Variants in AP3B2 observed in about 807,000 individuals in gnomAD.
AP3B2 encodes AP-3 complex subunit beta-2.
In AP3B2, 50 loss-of-function variants were observed where a neutral mutation model predicts 126.9. The observed-to-expected ratio is 0.39, with a 90% CI of 0.31 to 0.50. The LOEUF is 0.50. AP3B2 is among the 20% of genes least tolerant of loss of function. The probability of loss-of-function intolerance (pLI) is 0.79; values close to 1 mark genes in which losing one functional copy is unlikely to be tolerated. For synonymous variants in AP3B2, 541 were observed against 565.0 expected, an observed-to-expected ratio of 0.96 and a Z score of 0.60; for missense variants, 1,177 against 1,426.4, an observed-to-expected ratio of 0.83 and a Z score of 2.82.
At chr15:82,705,014 C>T (rs1289220615) in intron 1 of AP3B2, among the ~76,000 whole-genome samples, 1 of 152,036 alleles carries the variant, frequency 6.6e-6, no homozygotes, top group Non-Finnish European at 1.5e-5. Flanking sequence ...CTTATTAGGC[C>T]GAGACACTTT....
intron 21 of AP3B2, 28 bp downstream of exon 21, chr15:82,663,532 C>G (rs1480354727): frequency 6.2e-7 from 1 of 1,610,966 alleles, no homozygotes; most frequent in Admixed American, 1.7e-5. Flanking sequence ...GCCTCCTTTC[C>G]CCTGTGACTT....
chr15:82,677,950 A>AT (rs1234134837), intron 11 of AP3B2, 147 bp from the exon 12 acceptor site: 2 of 1,341,890 alleles, frequency 1.5e-6, no homozygotes, highest in Admixed American at 2.3e-5. Context: ...CAATCCAGTG[A>AT]TTCCTTGGCC....
chr15:82,703,229 G>C (rs1025069336), intron 1 of AP3B2, among the ~76,000 whole-genome samples: 2 of 152,054 alleles, frequency 1.3e-5, no homozygotes, highest in Admixed American at 6.5e-5. Context: ...CACCCTTAGT[G>C]GCAAACACCA....
chr15:82,680,527 T>G lies in AP3B2; in HGVS notation c.1000A>C (p.Lys334Gln), dbSNP rs1287408120. ...VAQLYFHLAP[K>Q]AEVGVIAKAL... The stretch of plus-strand genomic sequence containing the variant: ...TTGGCGATGACGCCCACTTCCGCCT[T>G]GGGCGCCAGGTGGAAGTAGAGCTGC... Residue 334 changes from lysine to glutamine, a missense_variant, in exon 8 of 27, where the codon AAG becomes CAG. By Grantham distance (53) the Lys-to-Gln change is moderately conservative. This residue lies in a region of AP3B2 where 308 missense variants were observed against 452.4 expected (regional missense o/e 0.68). Coordinates refer to ENST00000535359, the MANE Select transcript of AP3B2 (RefSeq NM_001278512.2). The surrounding 1 kb of genome is among the most constrained non-coding windows in gnomAD (Gnocchi z 6.1). 1 of 1,545,026 alleles carries G rather than the reference T, an allele frequency of 6.5e-7. No homozygotes were observed. Among genetic ancestry groups the G allele is most frequent in the Non-Finnish European group, 8.7e-7 (1 of 1,151,626 alleles).
rs755275511 is a variant in AP3B2, at chr15:82,679,782, G to A, written c.1129C>T (p.Leu377=). The change falls in exon 10 of 27, where the codon CTG becomes TTG. Residue 377 remains leucine, a synonymous_variant. Transcript: ENST00000535359. ...IKRRGMFEPY[L]KSFYIRSTDP... The stretch of plus-strand genomic sequence containing the variant: ...GTGGACCTGATGTAGAAGCTCTTCA[G>A]GTAGGGCTCAAACATACCCTGGCAC... The A allele has an allele frequency of 6.2e-7, 1 of 1,613,826 alleles. No individual in the cohort carries two copies. The highest frequency in any genetic ancestry group is 8.5e-7 in the Non-Finnish European group (1 of 1,179,796).
At position 82,662,325 on chromosome 15, in the gene AP3B2, C is replaced by T. The variant is rs189865552; in HGVS notation, c.2834-73G>A. ...CTGATAGGTCTAGAACCCAGCCTAG[C>T]CCTACTCTCCTCTCCACTGTCACAG... On this transcript the variant is annotated intron_variant, in intron 23 of 26. Transcript: ENST00000535359. 6.6e-5 allele frequency: 75 copies of T among 1,144,800 alleles called. No homozygotes were observed. The East Asian group carries it at 1.4e-3, about 21-fold the overall frequency. 70.9% of individuals were successfully genotyped at this position (1,144,800 alleles called of 1,614,324 possible). A position where few individuals can be genotyped will look rare whatever the true frequency, so the allele number is the denominator to read the frequency against.
At chr15:82,696,372 G>A (rs2048628447) in intron 1 of AP3B2, among the ~76,000 whole-genome samples, 1 of 152,184 alleles carries the variant, frequency 6.6e-6, no homozygotes, top group African/African-American at 2.4e-5. Flanking sequence ...AAGGTCAGGA[G>A]TTCGAGATTA....
At chr15:82,707,576 G>A (rs1415644145) in intron 1 of AP3B2, among the ~76,000 whole-genome samples, 2 of 152,070 alleles carry the variant, frequency 1.3e-5, no homozygotes, top group Non-Finnish European at 2.9e-5. Flanking sequence ...ATATCTCCTG[G>A]TGCTATCCCC....
At chr15:82,667,348 A>C (rs1404628314) in intron 14 of AP3B2, among the ~76,000 whole-genome samples, 1 of 152,110 alleles carries the variant, frequency 6.6e-6, no homozygotes, top group Non-Finnish European at 1.5e-5. Flanking sequence ...ACCCAGGGGG[A>C]ATTAGACAAC....
rs1346165605 is a variant in AP3B2, at chr15:82,681,215, C to A, written c.522-37G>T. ...ATCGGTGAGGGGAATTTGCCACTCT[C>A]AGCCCCAGCCTTCCCAATATCTGTC... On this transcript the variant is annotated intron_variant, in intron 5 of 26. Transcript: ENST00000535359. This position sits in a 1 kb window ranked among gnomAD's most constrained non-coding sequence, Gnocchi z 4.0. The A allele has an allele frequency of 1.9e-6, 3 of 1,589,102 alleles. No individual in the cohort carries two copies. The Admixed American group carries it at 5.4e-5, about 28-fold the overall frequency.
Position 82,680,157 on chromosome 15 carries a change from C to T in AP3B2, c.1110+18G>A, listed in dbSNP as rs868773344. 6.2e-7 allele frequency: 1 copy of T among 1,612,966 alleles called. No individual in the cohort carries two copies. The stretch of plus-strand genomic sequence containing the variant: ...GCGGCCCTCGGACAGCGAGGACAGC[C>T]CGCCGTCGCAGGCTCACCCGGCGCT... On this transcript the variant is annotated intron_variant, in intron 9 of 26. Coordinates refer to ENST00000535359, the MANE Select transcript of AP3B2 (RefSeq NM_001278512.2). The surrounding 1 kb of genome is among the most constrained non-coding windows in gnomAD (Gnocchi z 6.1).
intron 14 of AP3B2, among the ~76,000 whole-genome samples, chr15:82,669,690 CAA>C (rs144283693): frequency 3.8e-4 from 50 of 130,842 alleles, no homozygotes; most frequent in Admixed American, 4.0e-4. Flanking sequence ...GACTCCGTTT[CAA>C]AAAAAAAAAA....
intron 14 of AP3B2, among the ~76,000 whole-genome samples, chr15:82,670,024 ACCCATTGCACTCCAGCCTGGGC>A: frequency 1.9e-5 from 2 of 103,910 alleles, no homozygotes; most frequent in Non-Finnish European, 4.0e-5. Flanking sequence ...AAAAAAAAAA[ACCCATTGCACTCCAGCCTGGGC>A]AACAAGAGCA....
intron 14 of AP3B2, among the ~76,000 whole-genome samples, chr15:82,667,295 G>T (rs1367711213): frequency 6.6e-6 from 1 of 152,242 alleles, no homozygotes; most frequent in East Asian, 1.9e-4. Context: ...GTATGTGGAA[G>T]TATGGAATGC....
At position 82,663,978 on chromosome 15, in the gene AP3B2, G is replaced by A. The variant is rs1481840935; in HGVS notation, c.2262-3C>T. 6.2e-7 allele frequency: 1 copy of A among 1,600,522 alleles called. No individual in the cohort carries two copies. The highest frequency in any genetic ancestry group is 8.5e-7 in the Non-Finnish European group (1 of 1,178,994). ...TACCATCCTCCTCACTCTGTTCACT[G>A]AAGGAGTGGGAAAGGTTGGCTCAGG... On this transcript the variant is annotated splice_polypyrimidine_tract_variant and splice_region_variant and intron_variant, in intron 19 of 26. Coordinates refer to ENST00000535359, the MANE Select transcript of AP3B2 (RefSeq NM_001278512.2).
rs1324177370 is a variant in AP3B2, at chr15:82,692,874, TTC to T, written c.114-3423_114-3422del. 3.9e-5 allele frequency: 6 copies of T among 152,260 alleles called. No individual in the cohort carries two copies. The East Asian group carries it at 1.2e-3, about 29-fold the overall frequency. 9.4% of individuals were successfully genotyped at this position (152,260 alleles called of 1,614,324 possible). ...GGTAATGCTGAGCCAATACACAGGT[TTC>T]TTTTTTTTTTTAGATCTCATACTTC... On this transcript the variant is annotated intron_variant, in intron 1 of 26. Transcript: ENST00000535359.
At chr15:82,671,967 C>T (rs974054790) in intron 14 of AP3B2, among the ~76,000 whole-genome samples, 1 of 152,076 alleles carries the variant, frequency 6.6e-6, no homozygotes, top group Non-Finnish European at 1.5e-5. Context: ...TCGTTTGAAC[C>T]TGGGAGGCGG....
At chr15:82,705,593 G>A (rs925257592) in intron 1 of AP3B2, among the ~76,000 whole-genome samples, 2 of 152,098 alleles carry the variant, frequency 1.3e-5, no homozygotes, top group African/African-American at 4.8e-5. Context: ...ATCAGGCTCA[G>A]CAAACTACCT....
chr15:82,670,112 T>TTTGGGG (rs1555465704), intron 14 of AP3B2, among the ~76,000 whole-genome samples: 1 of 68,922 alleles, frequency 1.5e-5, no homozygotes, highest in Non-Finnish European at 3.0e-5. Flanking sequence ...TTTTTTTTTT[T>TTTGGGG]GGCGGGGGGG....
Sources: allele counts gnomAD v4.1 joint callset (sites outside exome capture counted in the v4.1 genomes callset), GRCh38; gene constraint gnomAD v4.1.1; regional missense constraint gnomAD v4.1.1; non-coding constraint Gnocchi (gnomAD v3.1); transcripts MANE v1.5; gene names NCBI Gene and HGNC (gene_info 2026-07-23, HGNC 2026-07-21).